The following AGBL4 variants were observed in gnomAD, a reference collection of about 807,000 sequenced individuals.
AGBL4 encodes AGBL carboxypeptidase 4, also known as cytosolic carboxypeptidase 6.
AGBL4 carries 58 observed loss-of-function variants against 66.4 expected under a neutral mutation model. The observed-to-expected ratio is 0.87, with a 90% confidence interval of 0.71 to 1.09. The LOEUF (loss-of-function observed/expected upper bound fraction) is 1.09, where lower values mean the gene tolerates loss of function less well. AGBL4 is among the 50% of genes least tolerant of loss of function. AGBL4 has a pLI of 0.00. For missense variants in AGBL4, 579 were observed against 631.0 expected (o/e 0.92, Z 0.88); for synonymous variants, 234 against 222.9 (o/e 1.05, Z -0.44).
intron 3 of AGBL4, among the ~76,000 whole-genome samples, chr1:49,544,627 T>A (rs1230969118): frequency 6.6e-6 from 1 of 152,236 alleles, no homozygotes; most frequent in Admixed American, 6.5e-5. Flanking sequence ...TTAAGGTACT[T>A]TTTATGTGCG....
intron 3 of AGBL4, among the ~76,000 whole-genome samples, chr1:49,644,544 C>T (rs1645847165): frequency 6.6e-6 from 1 of 151,360 alleles, no homozygotes; most frequent in African/African-American, 2.4e-5. Context: ...AAGAATATCA[C>T]AAGGTATAAA....
intron 2 of AGBL4, among the ~76,000 whole-genome samples, chr1:49,709,684 A>G (rs1325866315): frequency 6.6e-6 from 1 of 152,214 alleles, no homozygotes; most frequent in Non-Finnish European, 1.5e-5. Context: ...AATGTTTGCA[A>G]TCTATCCATC....
intron 1 of AGBL4, among the ~76,000 whole-genome samples, chr1:49,974,040 CA>C (rs1447788175): frequency 6.6e-6 from 1 of 151,984 alleles, no homozygotes. Context: ...ATATTACTTG[CA>C]AGAATATGTC....
At chr1:48,790,227 C>T (rs891885426) in intron 6 of AGBL4, among the ~76,000 whole-genome samples, 11 of 152,112 alleles carry the variant, frequency 7.2e-5, no homozygotes, top group African/African-American at 1.4e-4. Context: ...TTTAACTTTA[C>T]GAGCAAAGCC....
At chr1:49,846,352 T>A in intron 2 of AGBL4, 1 of 1,539,396 alleles carries the variant, frequency 6.5e-7, no homozygotes. Flanking sequence ...GAAAGACCTT[T>A]ACACACAGCA....
At chr1:49,139,549 T>C (rs1284994959) in intron 4 of AGBL4, among the ~76,000 whole-genome samples, 1 of 152,110 alleles carries the variant, frequency 6.6e-6, no homozygotes, top group African/African-American at 2.4e-5. Context: ...TACAGTTGTA[T>C]GGAGGCCATC....
chr1:49,581,486 T>G (rs1209676243), intron 3 of AGBL4, among the ~76,000 whole-genome samples: 1 of 152,184 alleles, frequency 6.6e-6, no homozygotes, highest in Middle Eastern at 3.2e-3. Context: ...ATATTTACTT[T>G]TGTTGGGAGA....
chr1:48,825,480 C>T (rs1646408045), intron 6 of AGBL4, among the ~76,000 whole-genome samples: 1 of 152,138 alleles, frequency 6.6e-6, no homozygotes, highest in African/African-American at 2.4e-5. Flanking sequence ...TAGAGTTTGT[C>T]TGTATATATT....
At chr1:48,929,293 A>T (rs1414639306) in intron 5 of AGBL4, among the ~76,000 whole-genome samples, 1 of 151,994 alleles carries the variant, frequency 6.6e-6, no homozygotes, top group East Asian at 1.9e-4. Context: ...CCTACATCTC[A>T]AGTCTCATCC....
chr1:48,939,984 C>A (rs909947450), intron 5 of AGBL4, among the ~76,000 whole-genome samples: 6 of 152,180 alleles, frequency 3.9e-5, no homozygotes, highest in African/African-American at 1.4e-4. Context: ...GGACAGACCA[C>A]CTCACCAAAG....
chr1:49,307,870 C>A (rs984347995), intron 3 of AGBL4, among the ~76,000 whole-genome samples: 1 of 152,152 alleles, frequency 6.6e-6, no homozygotes, highest in Non-Finnish European at 1.5e-5. Context: ...ATGTTTAATT[C>A]AATTTAAACA....
chr1:49,958,842 TA>T (rs1656874165), intron 1 of AGBL4, among the ~76,000 whole-genome samples: 1 of 150,714 alleles, frequency 6.6e-6, no homozygotes, highest in Admixed American at 6.6e-5. Context: ...TAAAGTATAA[TA>T]AAAAATAAAA....
intron 2 of AGBL4, among the ~76,000 whole-genome samples, chr1:49,739,933 G>A (rs920211427): frequency 9.9e-5 from 15 of 151,990 alleles, no homozygotes; most frequent in Non-Finnish European, 1.8e-4. Flanking sequence ...AACCAGTACC[G>A]GCCACCGCAA....
chr1:48,600,987 CAGAG>C (rs897704613), intron 9 of AGBL4, among the ~76,000 whole-genome samples: 52 of 152,224 alleles, frequency 3.4e-4, no homozygotes, highest in African/African-American at 1.2e-3. Flanking sequence ...TGCCTGGAAA[CAGAG>C]AGAGATGAGA....
At chr1:49,474,537 T>A (rs552552049) in intron 3 of AGBL4, among the ~76,000 whole-genome samples, 5 of 152,068 alleles carry the variant, frequency 3.3e-5, no homozygotes, top group Middle Eastern at 3.4e-3. Flanking sequence ...CACAGCCACA[T>A]GTTTCCATTC....
At chr1:49,028,272 T>C (rs1001507809) in intron 5 of AGBL4, among the ~76,000 whole-genome samples, 2 of 152,098 alleles carry the variant, frequency 1.3e-5, no homozygotes, top group African/African-American at 4.8e-5. Flanking sequence ...AGACTAGCAA[T>C]ACCTTGCCCC....
intron 2 of AGBL4, among the ~76,000 whole-genome samples, chr1:49,702,558 C>T (rs1647119720): frequency 6.6e-6 from 1 of 152,012 alleles, no homozygotes. Flanking sequence ...GAAAAGATAA[C>T]ACTTTCAAAC....
intron 6 of AGBL4, among the ~76,000 whole-genome samples, chr1:48,857,587 G>A (rs1303816257): frequency 6.6e-6 from 1 of 152,060 alleles, no homozygotes; most frequent in Non-Finnish European, 1.5e-5. Flanking sequence ...CGGGTGTGGT[G>A]GCAGGCGCCT....
chr1:48,998,588 T>C (rs560837877), intron 5 of AGBL4, among the ~76,000 whole-genome samples: 1 of 152,336 alleles, frequency 6.6e-6, no homozygotes, highest in African/African-American at 2.4e-5. Flanking sequence ...GGGCTTTCTT[T>C]GTGAACTCTC....
Sources: allele counts gnomAD v4.1 joint callset (sites outside exome capture counted in the v4.1 genomes callset), GRCh38; gene constraint gnomAD v4.1.1; transcripts MANE v1.5; gene names NCBI Gene and HGNC (gene_info 2026-07-23, HGNC 2026-07-21).